TENM2: variants seen among roughly 807,000 people sequenced by gnomAD.
TENM2 encodes the protein teneurin transmembrane protein 2.
TENM2 carries 52 observed loss-of-function variants against 245.2 expected under a neutral mutation model. That is an observed-to-expected ratio of 0.21 (90% CI 0.17 to 0.27). TENM2 has a LOEUF of 0.27. Among genes scored for constraint, TENM2 ranks in the 10% least tolerant of loss-of-function variants. TENM2 has a pLI of 1.00. For synonymous variants in TENM2, 1,363 were observed against 1,438.9 expected, an observed-to-expected ratio of 0.95 and a Z score of 1.19; for missense variants, 3,046 against 3,666.8, an observed-to-expected ratio of 0.83 and a Z score of 4.37.
intron 12 of TENM2, among the ~76,000 whole-genome samples, chr5:168,156,262 A>AAAAAAC (rs1026280502): frequency 4.7e-5 from 7 of 149,046 alleles, no homozygotes; most frequent in African/African-American, 1.5e-4. Flanking sequence ...AAAAAAAAAA[A>AAAAAAC]AAAACACTTT....
intron 2 of TENM2, among the ~76,000 whole-genome samples, chr5:167,806,649 C>T (rs1766198722): frequency 6.6e-6 from 1 of 152,068 alleles, no homozygotes. Flanking sequence ...ATCATGCTTA[C>T]TTGTGACATC....
At position 168,066,312 on chromosome 5, in the gene TENM2, A is replaced by G. The variant is rs185372848; in HGVS notation, c.1515+4047A>G. Among the ~76,000 whole-genome samples, 101 of 152,296 alleles carry G rather than the reference A, an allele frequency of 6.6e-4. 1 individual carries two copies. The highest frequency in any genetic ancestry group is 2.3e-3 in the African/African-American group (96 of 41,566). Reference sequence around the variant, plus strand: ...TTATATCAACCAAAGCAGTCACATCATAACTTTAGTGGAGGAGGACATACC... The same window carrying G: ...TTATATCAACCAAAGCAGTCACATCGTAACTTTAGTGGAGGAGGACATACC... On this transcript the variant is annotated intron_variant, in intron 7 of 28. Coordinates refer to ENST00000518659, the Ensembl canonical transcript of TENM2.
intron 2 of TENM2, among the ~76,000 whole-genome samples, chr5:167,532,886 T>C (rs1375412450): frequency 6.6e-6 from 1 of 151,326 alleles, no homozygotes; most frequent in Non-Finnish European, 1.5e-5. Flanking sequence ...GATGATGTGA[T>C]GAAAGCAAGA....
intron 1 of TENM2, among the ~76,000 whole-genome samples, chr5:167,353,498 T>C (rs1561886453): frequency 2.8e-5 from 2 of 72,550 alleles, no homozygotes; most frequent in African/African-American, 1.2e-4. Context: ...GTTGTTGTTG[T>C]TGTTTTTTTT....
At chr5:167,369,715 T>C (rs1375885693) in intron 1 of TENM2, among the ~76,000 whole-genome samples, 1 of 152,186 alleles carries the variant, frequency 6.6e-6, no homozygotes, top group African/African-American at 2.4e-5. Flanking sequence ...TTCTCTTAAA[T>C]TCAGGGTGCT....
intron 12 of TENM2, among the ~76,000 whole-genome samples, chr5:168,158,840 TATATATATATACACACACACACACACAC>T (rs1757459917): frequency 1.2e-5 from 1 of 86,524 alleles, no homozygotes; most frequent in Non-Finnish European, 2.5e-5. Flanking sequence ...TATATATATA[TATATATATATACACACACACACACACAC>T]ATATATATGT....
chr5:166,986,868 G>A, the TENM2 span, among the ~76,000 whole-genome samples: 1 of 152,202 alleles, frequency 6.6e-6, no homozygotes, highest in Non-Finnish European at 1.5e-5. Flanking sequence ...AGTCTTGGGA[G>A]TGGTTTGATG....
chr5:167,641,001 G>A (rs1029176417), intron 2 of TENM2, among the ~76,000 whole-genome samples: 11 of 148,790 alleles, frequency 7.4e-5, no homozygotes, highest in East Asian at 2.0e-4. Context: ...AATCCTGACC[G>A]ACCTCAGACC....
chr5:167,166,166 G>T, the TENM2 span, among the ~76,000 whole-genome samples: 1 of 152,034 alleles, frequency 6.6e-6, no homozygotes, highest in Admixed American at 6.6e-5. Flanking sequence ...ATTCTATGCC[G>T]ACAGGCCAGG....
intron 2 of TENM2, among the ~76,000 whole-genome samples, chr5:167,740,342 G>A (rs1422505060): frequency 2.6e-5 from 4 of 152,112 alleles, no homozygotes; most frequent in Non-Finnish European, 4.4e-5. Flanking sequence ...TCAGCTTAAG[G>A]CAGCAGCTTC....
At chr5:167,830,204 A>T (rs4868808) in intron 2 of TENM2, among the ~76,000 whole-genome samples, 145,057 of 152,302 alleles carry the variant, frequency 0.95, 69,477 homozygotes, top group East Asian at 1. Flanking sequence ...AATATTTAGA[A>T]TGGACTGGAT....
At chr5:167,956,371 G>C (rs1281079680) in intron 4 of TENM2, among the ~76,000 whole-genome samples, 1 of 152,078 alleles carries the variant, frequency 6.6e-6, no homozygotes, top group African/African-American at 2.4e-5. Context: ...AGATTTTTGG[G>C]CAGAGATGAT....
chr5:167,154,485 A>AT, the TENM2 span, among the ~76,000 whole-genome samples: 9 of 152,184 alleles, frequency 5.9e-5, no homozygotes, highest in Admixed American at 2.6e-4. Flanking sequence ...TGCAAAATAC[A>AT]TTTTTTTAAA....
At chr5:167,063,316 G>C in the TENM2 span, among the ~76,000 whole-genome samples, 1 of 152,120 alleles carries the variant, frequency 6.6e-6, no homozygotes, top group East Asian at 1.9e-4. Context: ...CCAAAGCCAA[G>C]CTGCTAAATT....
intron 4 of TENM2, among the ~76,000 whole-genome samples, chr5:167,954,299 C>A (rs78006521): frequency 6.6e-6 from 1 of 151,892 alleles, no homozygotes; most frequent in Admixed American, 6.6e-5. Context: ...CAAACTAACA[C>A]GAAAAATCTG....
the TENM2 span, among the ~76,000 whole-genome samples, chr5:167,037,028 C>A: frequency 1.3e-5 from 2 of 152,134 alleles, no homozygotes; most frequent in African/African-American, 4.8e-5. Context: ...CATTTAAATT[C>A]TACTTTGCTT....
intron 12 of TENM2, among the ~76,000 whole-genome samples, chr5:168,156,269 C>CT (rs1270428470): frequency 6.4e-4 from 22 of 34,198 alleles, no homozygotes; most frequent in South Asian, 7.8e-4. Flanking sequence ...AAAAAAAACA[C>CT]TTTTTTTTTT....
chr5:167,761,367 A>C (rs936612133), intron 2 of TENM2, among the ~76,000 whole-genome samples: 2 of 152,082 alleles, frequency 1.3e-5, no homozygotes, highest in African/African-American at 4.8e-5. Flanking sequence ...ATCAACCCAG[A>C]ATGCCGTCTG....
chr5:167,069,537 G>T, the TENM2 span, among the ~76,000 whole-genome samples: 844 of 152,254 alleles, frequency 5.5e-3, 6 homozygotes, highest in African/African-American at 0.019. Flanking sequence ...AGGGGACCCA[G>T]ATTAACTGGC....
Sources: allele counts gnomAD v4.1 joint callset (sites outside exome capture counted in the v4.1 genomes callset), GRCh38; gene constraint gnomAD v4.1.1; transcripts MANE v1.5; gene names NCBI Gene and HGNC (gene_info 2026-07-23, HGNC 2026-07-21).